Variants in TCF4 observed in about 807,000 individuals in gnomAD.
TCF4 encodes the protein transcription factor 4, also known as SL3-3 enhancer factor 2.
TCF4 carries 3 observed loss-of-function variants against 82.1 expected under a neutral mutation model. The observed-to-expected ratio is 0.04, with a 90% CI of 0.02 to 0.09. The LOEUF is 0.09. TCF4 is among the 10% of genes least tolerant of loss of function. The probability of loss-of-function intolerance (pLI) is 1.00; values close to 1 mark genes in which losing one functional copy is unlikely to be tolerated. For missense variants in TCF4, 518 were observed against 852.7 expected, an observed-to-expected ratio of 0.61 and a Z score of 4.89; for synonymous variants, 276 against 309.6, an observed-to-expected ratio of 0.89 and a Z score of 1.14.
At chr18:55,503,564 T>C (rs1205999700) in intron 3 of TCF4, among the ~76,000 whole-genome samples, 1 of 152,244 alleles carries the variant, frequency 6.6e-6, no homozygotes, top group African/African-American at 2.4e-5. Flanking sequence ...GAAGTCCTTG[T>C]GTTATCCACG....
rs761498822 is a variant in TCF4 at position 55,254,516 on chromosome 18, G to A, written c.1331C>T (p.Ala444Val). 1.2e-6 allele frequency: 2 copies of A among 1,613,452 alleles called. No homozygotes were observed. The highest frequency in any genetic ancestry group is 2.7e-5 in the African/African-American group (2 of 74,878). Residue 444 changes from alanine to valine, a missense_variant, in exon 15 of 20, where the codon GCC (alanine) becomes GTC (valine). By Grantham distance (64) the Ala-to-Val change is moderately conservative (BLOSUM62 0). Transcript: ENST00000354452. ...GSGYGTGLLS[A>V]NRHSLMVGTH... The stretch of plus-strand genomic sequence containing the variant: ...ACTTACCATGAGTGAATGTCTGTTG[G>A]CTGAAAGAAGGCCGGTTCCATACCC...
At chr18:55,365,178 T>C (rs1888949215) in intron 6 of TCF4, among the ~76,000 whole-genome samples, 2 of 130,134 alleles carry the variant, frequency 1.5e-5, no homozygotes, top group Non-Finnish European at 3.2e-5. Context: ...TATATATATA[T>C]ATATATATAT....
chr18:55,433,562 G>A (rs569856513), intron 5 of TCF4, among the ~76,000 whole-genome samples: 3 of 152,346 alleles, frequency 2.0e-5, no homozygotes, highest in East Asian at 1.9e-4. Flanking sequence ...ACCAGACATT[G>A]ATCTGGACTG....
chr18:55,507,075 C>T (rs569419329), intron 3 of TCF4, among the ~76,000 whole-genome samples: 2 of 152,210 alleles, frequency 1.3e-5, no homozygotes, highest in East Asian at 3.9e-4. Context: ...GTTGGCCAGG[C>T]TGGTCTCGAT....
intron 8 of TCF4, among the ~76,000 whole-genome samples, chr18:55,290,105 G>A (rs939349283): frequency 1.3e-5 from 2 of 152,158 alleles, no homozygotes; most frequent in African/African-American, 4.8e-5. Flanking sequence ...CTTCTCTAAT[G>A]TGTTTAGGGC....
chr18:55,248,130 G>A (rs983896653), intron 15 of TCF4, among the ~76,000 whole-genome samples: 4 of 152,176 alleles, frequency 2.6e-5, no homozygotes, highest in African/African-American at 7.2e-5. Context: ...CAAAACCTGT[G>A]AAAGCCCAAG....
intron 6 of TCF4, among the ~76,000 whole-genome samples, chr18:55,358,650 C>T (rs1424334017): frequency 6.6e-6 from 1 of 152,236 alleles, no homozygotes; most frequent in Non-Finnish European, 1.5e-5. Flanking sequence ...CTGCTCCACA[C>T]TCACCCGCTA....
intron 8 of TCF4, among the ~76,000 whole-genome samples, chr18:55,291,703 C>T (rs919031233): frequency 6.6e-6 from 1 of 152,112 alleles, no homozygotes; most frequent in Non-Finnish European, 1.5e-5. Flanking sequence ...ATTCAAATGC[C>T]CACCCTCTTC....
At chr18:55,564,472 G>A (rs1465859754) in intron 3 of TCF4, among the ~76,000 whole-genome samples, 1 of 152,124 alleles carries the variant, frequency 6.6e-6, no homozygotes, top group Non-Finnish European at 1.5e-5. Flanking sequence ...AAGAAATGAT[G>A]GTGTCTTGAA....
intron 2 of TCF4, among the ~76,000 whole-genome samples, chr18:55,630,259 G>A (rs147402018): frequency 5.9e-5 from 9 of 152,280 alleles, no homozygotes; most frequent in African/African-American, 1.7e-4. Context: ...TTTCAAAGTT[G>A]TATACTACTT....
intron 8 of TCF4, among the ~76,000 whole-genome samples, chr18:55,301,812 A>AAAT (rs1555848542): frequency 2.0e-5 from 2 of 101,080 alleles, no homozygotes; most frequent in East Asian, 3.1e-4. Context: ...AAAAAAAAAA[A>AAAT]GTGGGGGGGG....
chr18:55,568,515 A>T (rs570519546), intron 3 of TCF4, among the ~76,000 whole-genome samples: 85 of 151,888 alleles, frequency 5.6e-4, no homozygotes, highest in African/African-American at 2.0e-3. Context: ...ACACATCTAT[A>T]CACACACACA....
intron 6 of TCF4, among the ~76,000 whole-genome samples, chr18:55,371,100 G>C (rs369795306): frequency 2.0e-5 from 3 of 152,130 alleles, no homozygotes; most frequent in Non-Finnish European, 4.4e-5. Flanking sequence ...GACATATATG[G>C]TGTGACTAGC....
chr18:55,580,450 CAACT>C (rs1180778218), intron 3 of TCF4, among the ~76,000 whole-genome samples: 2 of 151,944 alleles, frequency 1.3e-5, no homozygotes, highest in African/African-American at 4.8e-5. Flanking sequence ...TGTAGACTAT[CAACT>C]TACAACAGAA....
At chr18:55,553,736 A>G (rs1395281828) in intron 3 of TCF4, among the ~76,000 whole-genome samples, 2 of 152,218 alleles carry the variant, frequency 1.3e-5, no homozygotes, top group African/African-American at 4.8e-5. Context: ...AGCGGCTGCT[A>G]TAAGCATATT....
intron 2 of TCF4, among the ~76,000 whole-genome samples, chr18:55,613,127 A>G (rs1209171025): frequency 6.6e-6 from 1 of 152,096 alleles, no homozygotes; most frequent in African/African-American, 2.4e-5. Flanking sequence ...TTGACATTCA[A>G]TAAACTGCAC....
At chr18:55,269,612 C>T (rs1424501729) in intron 11 of TCF4, 30 of 599,504 alleles carry the variant, frequency 5.0e-5, no homozygotes, top group East Asian at 2.4e-4. Context: ...TGACTTGCAA[C>T]GTAGAACGTA....
At chr18:55,300,307 T>C (rs1000770059) in intron 8 of TCF4, among the ~76,000 whole-genome samples, 1 of 152,086 alleles carries the variant, frequency 6.6e-6, no homozygotes, top group Non-Finnish European at 1.5e-5. Flanking sequence ...GCTCTGGGAC[T>C]GAACAGAAGA....
chr18:55,403,315 T>G, intron 6 of TCF4, 139 bp downstream of exon 6: 1 of 932,980 alleles, frequency 1.1e-6, no homozygotes, highest in South Asian at 1.3e-5. Flanking sequence ...GTTATTTCAT[T>G]ACTTAAAGAG....
Sources: allele counts gnomAD v4.1 joint callset (sites outside exome capture counted in the v4.1 genomes callset), GRCh38; gene constraint gnomAD v4.1.1; transcripts MANE v1.5; gene names NCBI Gene and HGNC (gene_info 2026-07-23, HGNC 2026-07-21).